The following NEBL variants were observed in gnomAD, a reference collection of about 807,000 sequenced individuals.
The protein encoded by NEBL is LIM and SH3 protein 2.
Under a neutral mutation model 140.2 loss-of-function variants are expected in NEBL, and 122 were observed. That is an observed-to-expected ratio of 0.87 (90% CI 0.75 to 1.01). The LOEUF is 1.01. NEBL is among the 50% of genes least tolerant of loss of function. The probability of loss-of-function intolerance (pLI) is 0.00; values close to 1 mark genes in which losing one functional copy is unlikely to be tolerated. For synonymous variants in NEBL, 436 were observed against 398.9 expected (o/e 1.09, Z -1.11); for missense variants, 1,365 against 1,231.3 (o/e 1.11, Z -1.62).
At chr10:21,194,424 T>C (rs1418106846) in intron 3 of NEBL, among the ~76,000 whole-genome samples, 7 of 152,242 alleles carry the variant, frequency 4.6e-5, no homozygotes, top group Non-Finnish European at 8.8e-5. Context: ...CATTAAATCA[T>C]AGAGACTTTG....
At chr10:21,274,672 C>T (rs1307569365) in intron 1 of NEBL, among the ~76,000 whole-genome samples, 3 of 152,182 alleles carry the variant, frequency 2.0e-5, no homozygotes, top group South Asian at 4.2e-4. Context: ...GTGTTCCACC[C>T]GACTTGGCCT....
At chr10:20,789,980 CAT>C (rs1283892398) in intron 26 of NEBL, among the ~76,000 whole-genome samples, 7 of 150,790 alleles carry the variant, frequency 4.6e-5, no homozygotes, top group Non-Finnish European at 7.4e-5. Context: ...CACACACACA[CAT>C]ACAAGTTATA....
chr10:20,787,999 T>C (rs1004439930), intron 26 of NEBL, among the ~76,000 whole-genome samples: 2 of 152,180 alleles, frequency 1.3e-5, no homozygotes, highest in Non-Finnish European at 2.9e-5. Flanking sequence ...TTCTTCTATA[T>C]TAAAAAAGTA....
rs533158346 is a variant in NEBL at position 20,818,444 on chromosome 10, G to A, written c.2056-752C>T. The stretch of plus-strand genomic sequence containing the variant: ...AGTACAGGGCCCAGCACAGAGTAGC[G>A]CTGCCTTGTTAACTATTTTTGCTTT... On this transcript the variant is annotated intron_variant, in intron 20 of 27. Transcript: ENST00000377122. Among the ~76,000 whole-genome samples, 13 of 152,210 alleles carry A rather than the reference G, an allele frequency of 8.5e-5. No homozygotes were observed. In the South Asian group the frequency reaches 2.5e-3, roughly 29 times the overall value.
intron 4 of NEBL, among the ~76,000 whole-genome samples, chr10:20,958,664 T>G (rs1267535074): frequency 6.6e-6 from 1 of 152,248 alleles, no homozygotes; most frequent in Non-Finnish European, 1.5e-5. Context: ...GAAGCCAAGT[T>G]CTTTTTCTTC....
At chr10:21,011,900 C>A (rs1163340818) in intron 3 of NEBL, among the ~76,000 whole-genome samples, 1 of 152,220 alleles carries the variant, frequency 6.6e-6, no homozygotes, top group Non-Finnish European at 1.5e-5. Context: ...TTCTACAAGG[C>A]ACATTGCAGC....
intron 1 of NEBL, among the ~76,000 whole-genome samples, chr10:21,252,347 A>C (rs1297923532): frequency 6.6e-6 from 1 of 152,256 alleles, no homozygotes; most frequent in Non-Finnish European, 1.5e-5. Context: ...TCACACAAGC[A>C]CTAAAGACAG....
intron 2 of NEBL, among the ~76,000 whole-genome samples, chr10:21,031,165 A>G (rs1232697923): frequency 6.6e-6 from 1 of 152,238 alleles, no homozygotes; most frequent in Non-Finnish European, 1.5e-5. Context: ...TAGTGAGAAA[A>G]GGAAACAGCA....
chr10:21,167,792 A>T (rs1264861483), intron 2 of NEBL, among the ~76,000 whole-genome samples: 1 of 152,196 alleles, frequency 6.6e-6, no homozygotes, highest in Non-Finnish European at 1.5e-5. Flanking sequence ...TTGTCTAATC[A>T]TCAAGTGTTA....
intron 2 of NEBL, among the ~76,000 whole-genome samples, chr10:21,046,517 C>G (rs1295146907): frequency 6.6e-6 from 1 of 152,152 alleles, no homozygotes; most frequent in East Asian, 1.9e-4. Flanking sequence ...CAAATAAAGG[C>G]AGACATATGA....
chr10:20,962,233 G>A (rs1042456923), intron 3 of NEBL, among the ~76,000 whole-genome samples: 1 of 152,338 alleles, frequency 6.6e-6, no homozygotes, highest in Non-Finnish European at 1.5e-5. Flanking sequence ...CCGCCTGTCA[G>A]TGAAAAAGCC....
chr10:20,984,743 G>A (rs369419593), intron 3 of NEBL, among the ~76,000 whole-genome samples: 18 of 152,104 alleles, frequency 1.2e-4, no homozygotes, highest in African/African-American at 4.1e-4. Flanking sequence ...CCCAGGCCAC[G>A]GACTGGTACC....
intron 3 of NEBL, among the ~76,000 whole-genome samples, chr10:21,010,003 T>C (rs1353695094): frequency 6.6e-6 from 1 of 152,200 alleles, no homozygotes; most frequent in Non-Finnish European, 1.5e-5. Flanking sequence ...TATTGTCCTA[T>C]AAATTTGGTT....
chr10:20,785,763 A>G lies in NEBL; in HGVS notation c.3029T>C (p.Ile1010Thr). The change falls in exon 28 of 28, where the codon ATT becomes ACT. Residue 1010 changes from isoleucine (I) to threonine (T), a missense_variant. Ile to Thr is a moderately conservative substitution (Grantham distance 89). Around this residue, in one of 2 missense-constraint regions of NEBL, gnomAD observed 42 missense variants for 76.5 expected, o/e 0.55. Transcript: ENST00000377122. Reference sequence around the variant, plus strand: ...GAGAAATAATTAATTAACAAACTCAATGTAATTCGCTGGGAGCATTCCTGT... The same window carrying G: ...GAGAAATAATTAATTAACAAACTCAGTGTAATTCGCTGGGAGCATTCCTGT... ...GRTGMLPANYIEFVN is the reference protein window; with the variant it reads ...GRTGMLPANYTEFVN 1.2e-6 allele frequency: 2 copies of G among 1,613,874 alleles called. No homozygotes were observed. The highest frequency in any genetic ancestry group is 1.7e-6 in the Non-Finnish European group (2 of 1,179,902).
chr10:21,111,251 T>C (rs1339823390), intron 2 of NEBL, among the ~76,000 whole-genome samples: 3 of 152,050 alleles, frequency 2.0e-5, no homozygotes, highest in Non-Finnish European at 4.4e-5. Flanking sequence ...TACTTTAAAG[T>C]TCATATGGAA....
chr10:21,173,752 C>A lies in NEBL; in HGVS notation c.69+13G>T, dbSNP rs1418582254. 1.9e-6 allele frequency: 3 copies of A among 1,612,642 alleles called. No individual in the cohort carries two copies. Among genetic ancestry groups the A allele is most frequent in the East Asian group, 2.2e-5 (1 of 44,834 alleles). On this transcript the variant is annotated intron_variant, in intron 1 of 6. Coordinates refer to the NEBL transcript ENST00000417816. This position sits in a 1 kb window ranked among gnomAD's most constrained non-coding sequence, Gnocchi z 5.7. Reference sequence around the variant, plus strand: ...CCGGCAGGTCCAGGCTGGCCCGGCGCCCCCTCGCTCACCTTATCCAGGCAG... The same window carrying A: ...CCGGCAGGTCCAGGCTGGCCCGGCGACCCCTCGCTCACCTTATCCAGGCAG...
intron 5 of NEBL, among the ~76,000 whole-genome samples, chr10:20,873,481 G>A (rs925238039): frequency 1.3e-5 from 2 of 152,018 alleles, no homozygotes; most frequent in African/African-American, 4.8e-5. Context: ...GGAAGAACAG[G>A]AGGAGGAGGG....
chr10:20,869,919 T>C, intron 5 of NEBL, 78 bp from the exon 6 acceptor site: 1 of 966,664 alleles, frequency 1.0e-6, no homozygotes, highest in Non-Finnish European at 1.7e-6. Flanking sequence ...GTTCATAACA[T>C]TATTTATTCT....
At chr10:20,967,614 C>A (rs574396582) in intron 3 of NEBL, among the ~76,000 whole-genome samples, 1 of 149,846 alleles carries the variant, frequency 6.7e-6, no homozygotes, top group African/African-American at 2.5e-5. Context: ...GGTGACAGAG[C>A]GAGACTCCAT....
Sources: gnomAD v4.1 joint callset for allele counts (sites outside exome capture counted in the v4.1 genomes callset) on GRCh38, gnomAD v4.1.1 for gene constraint, gnomAD v4.1.1 regional missense constraint, Gnocchi (gnomAD v3.1) non-coding constraint, MANE v1.5 for transcripts, NCBI Gene and HGNC (gene_info 2026-07-23, HGNC 2026-07-21) for gene names.